SORCS3: variants seen among roughly 807,000 people sequenced by gnomAD.
SORCS3 encodes the protein sortilin related VPS10 domain containing receptor 3.
In SORCS3, 57 loss-of-function variants were observed where a neutral mutation model predicts 146.3. That is an observed-to-expected ratio of 0.39 (90% CI 0.31 to 0.49). The LOEUF is 0.49. SORCS3 is among the 20% of genes least tolerant of loss of function. SORCS3 has a pLI of 0.92. For synonymous variants in SORCS3, 653 were observed against 618.5 expected (o/e 1.06, Z -0.83); for missense variants, 1,341 against 1,575.5 (o/e 0.85, Z 2.52).
intron 3 of SORCS3, among the ~76,000 whole-genome samples, chr10:104,936,277 A>G (rs74155068): frequency 1.3e-5 from 2 of 152,190 alleles, no homozygotes; most frequent in Admixed American, 1.3e-4. Flanking sequence ...CAAGAAAAAA[A>G]AATGGCTAAC....
At chr10:105,182,325 G>T (rs1002578370) in intron 14 of SORCS3, among the ~76,000 whole-genome samples, 1 of 144,764 alleles carries the variant, frequency 6.9e-6, no homozygotes, top group South Asian at 2.2e-4. Context: ...CTGGAAGGTA[G>T]ATAGGATTGG....
At chr10:104,818,360 T>TCTTC (rs34389949) in intron 1 of SORCS3, among the ~76,000 whole-genome samples, 14,111 of 139,614 alleles carry the variant, frequency 0.1, 862 homozygotes, top group African/African-American at 0.13. Context: ...TCTTCTCCTT[T>TCTTC]CTTCCTTCCT....
At chr10:104,864,068 G>A (rs1038700581) in intron 2 of SORCS3, among the ~76,000 whole-genome samples, 37 of 152,098 alleles carry the variant, frequency 2.4e-4, no homozygotes, top group African/African-American at 8.7e-4. Context: ...TGCCAGGAAT[G>A]GGTATTTTTT....
intron 1 of SORCS3, among the ~76,000 whole-genome samples, chr10:104,809,210 A>G (rs1348475542): frequency 6.6e-6 from 1 of 152,196 alleles, no homozygotes; most frequent in African/African-American, 2.4e-5. Context: ...TTAGTGTCTT[A>G]ATTAGTTGCC....
At chr10:104,831,859 G>A (rs115163166) in intron 1 of SORCS3, among the ~76,000 whole-genome samples, 1,621 of 152,270 alleles carry the variant, frequency 0.011, 28 homozygotes, top group African/African-American at 0.037. Flanking sequence ...ATGGGGGAGG[G>A]GGGTGTGGAA....
chr10:104,685,338 G>A (rs1379138355), intron 1 of SORCS3, among the ~76,000 whole-genome samples: 1 of 152,096 alleles, frequency 6.6e-6, no homozygotes, highest in East Asian at 1.9e-4. Context: ...TAACACCCAG[G>A]CTGCTACTCC....
chr10:104,915,929 G>A lies in SORCS3; in HGVS notation c.792G>A (p.Arg264=), dbSNP rs267602356. ...SYLYVNPTNK[R]KIMLLSDPEM... ...TCTATGTCAATCCAACCAACAAAAG[G>A]AAGGTAAGAGACTGGGTCAGTAGGT... The change falls in exon 3 of 27, where the codon AGG becomes AGA. Residue 264 remains arginine, a synonymous_variant. Coordinates refer to ENST00000369701, the MANE Select transcript of SORCS3 (RefSeq NM_014978.3). 1 of 1,613,150 alleles carries A rather than the reference G, an allele frequency of 6.2e-7. No individual in the cohort carries two copies. Among genetic ancestry groups the A allele is most frequent in the Non-Finnish European group, 8.5e-7 (1 of 1,179,136 alleles).
At chr10:104,643,709 G>GGCGT (rs758845919) in intron 1 of SORCS3, among the ~76,000 whole-genome samples, 1 of 144,638 alleles carries the variant, frequency 6.9e-6, no homozygotes, top group East Asian at 2.0e-4. Flanking sequence ...TGATAATTAG[G>GGCGT]GTGTGTGTGT....
chr10:105,149,256 T>C (rs2056152322), intron 9 of SORCS3, among the ~76,000 whole-genome samples: 1 of 152,092 alleles, frequency 6.6e-6, no homozygotes, highest in South Asian at 2.1e-4. Context: ...GGCAGAGAGA[T>C]GATAACATAA....
At chr10:105,148,843 G>A (rs2119471269) in intron 9 of SORCS3, among the ~76,000 whole-genome samples, 1 of 152,202 alleles carries the variant, frequency 6.6e-6, no homozygotes, top group South Asian at 2.1e-4. Context: ...GTTACTGAGT[G>A]ATAAGGTTTG....
chr10:104,786,499 G>T (rs530040263), intron 1 of SORCS3, among the ~76,000 whole-genome samples: 4 of 150,010 alleles, frequency 2.7e-5, no homozygotes, highest in African/African-American at 7.4e-5. Flanking sequence ...AGTGAGCCAA[G>T]ATGGCACCAC....
chr10:105,082,454 T>C (rs935980039), intron 5 of SORCS3, among the ~76,000 whole-genome samples: 1 of 152,234 alleles, frequency 6.6e-6, no homozygotes, highest in African/African-American at 2.4e-5. Context: ...GACTGCATTA[T>C]ATGTGTCAGA....
chr10:105,260,245 A>G (rs1041473312), intron 25 of SORCS3, among the ~76,000 whole-genome samples: 1 of 152,200 alleles, frequency 6.6e-6, no homozygotes, highest in African/African-American at 2.4e-5. Flanking sequence ...TCTGGTTACA[A>G]CTGTGAAGTA....
chr10:105,123,140 A>G (rs551034442), intron 7 of SORCS3, among the ~76,000 whole-genome samples: 23 of 152,376 alleles, frequency 1.5e-4, no homozygotes, highest in Admixed American at 5.2e-4. Context: ...GAAGAGATCT[A>G]TATTAAAGAG....
intron 5 of SORCS3, among the ~76,000 whole-genome samples, chr10:105,087,356 A>C (rs2055669628): frequency 6.6e-6 from 1 of 152,184 alleles, no homozygotes. Context: ...GAAGTCAGGT[A>C]TACCTATGTA....
chr10:104,686,758 C>A (rs562475733), intron 1 of SORCS3, among the ~76,000 whole-genome samples: 1 of 152,246 alleles, frequency 6.6e-6, no homozygotes, highest in East Asian at 1.9e-4. Flanking sequence ...TGGGAGGAGC[C>A]CTGTGTAGTT....
intron 1 of SORCS3, among the ~76,000 whole-genome samples, chr10:104,783,944 A>G (rs1278956326): frequency 6.6e-6 from 1 of 152,238 alleles, no homozygotes; most frequent in Non-Finnish European, 1.5e-5. Flanking sequence ...GCTCTGAGAT[A>G]AAAGGATTCT....
At chr10:105,124,029 G>A (rs1275699293) in intron 7 of SORCS3, among the ~76,000 whole-genome samples, 1 of 152,144 alleles carries the variant, frequency 6.6e-6, no homozygotes, top group Non-Finnish European at 1.5e-5. Context: ...CCTATTAAGC[G>A]ATCTCATGAC....
chr10:104,705,225 G>A (rs575340211), intron 1 of SORCS3, among the ~76,000 whole-genome samples: 2 of 119,616 alleles, frequency 1.7e-5, no homozygotes, highest in African/African-American at 6.4e-5. Context: ...GCAGGCCTTC[G>A]TTTTTTTTTT....
Sources: allele counts gnomAD v4.1 joint callset (sites outside exome capture counted in the v4.1 genomes callset), GRCh38; gene constraint gnomAD v4.1.1; transcripts MANE v1.5; gene names NCBI Gene and HGNC (gene_info 2026-07-23, HGNC 2026-07-21).